QTMAN: variants seen among roughly 807,000 people sequenced by gnomAD.
QTMAN encodes the protein queuosine-tRNA mannosyltransferase.
chr2:144,306,408 C>G, the QTMAN span, among the ~76,000 whole-genome samples: 2 of 152,120 alleles, frequency 1.3e-5, no homozygotes, highest in African/African-American at 4.8e-5. Context: ...CTGGGATGAT[C>G]GAAATGCCAG....
At chr2:144,223,234 T>C in the QTMAN span, among the ~76,000 whole-genome samples, 1 of 151,962 alleles carries the variant, frequency 6.6e-6, no homozygotes, top group Non-Finnish European at 1.5e-5. Flanking sequence ...ACTAAAAGTA[T>C]ACAAATAATT....
chr2:144,328,768 GA>G, the QTMAN span, among the ~76,000 whole-genome samples: 2 of 150,236 alleles, frequency 1.3e-5, no homozygotes, highest in Admixed American at 1.3e-4. Context: ...TTAGTAGAAA[GA>G]AAAAAAAAGA....
At chr2:144,041,099 T>C in the QTMAN span, among the ~76,000 whole-genome samples, 6 of 152,212 alleles carry the variant, frequency 3.9e-5, no homozygotes, top group Non-Finnish European at 2.9e-5. Flanking sequence ...TCAGACACTT[T>C]CATTGCGCTT....
At chr2:144,251,616 T>C in the QTMAN span, among the ~76,000 whole-genome samples, 7 of 152,184 alleles carry the variant, frequency 4.6e-5, no homozygotes, top group African/African-American at 1.7e-4. Context: ...AACATAAAAC[T>C]ATAAACCTAC....
chr2:143,967,388 T>A, the QTMAN span, among the ~76,000 whole-genome samples: 7 of 151,894 alleles, frequency 4.6e-5, no homozygotes, highest in South Asian at 1.5e-3. Flanking sequence ...TGGAGTGCAA[T>A]GGCATGATCT....
the QTMAN span, chr2:144,178,550 CTTCT>C: frequency 4.0e-3 from 621 of 154,118 alleles, 4 homozygotes; most frequent in African/African-American, 0.013. Context: ...GTGCTCAATA[CTTCT>C]TTCTCTATTT....
the QTMAN span, among the ~76,000 whole-genome samples, chr2:144,028,396 C>T: frequency 6.6e-6 from 1 of 152,156 alleles, no homozygotes; most frequent in African/African-American, 2.4e-5. Context: ...TTTATTTTCA[C>T]AAGACTTAAA....
At chr2:144,311,910 C>T in the QTMAN span, among the ~76,000 whole-genome samples, 1 of 152,232 alleles carries the variant, frequency 6.6e-6, no homozygotes, top group Non-Finnish European at 1.5e-5. Context: ...CAGTACCTTA[C>T]ATATTCTGTT....
At chr2:144,035,279 G>T in the QTMAN span, among the ~76,000 whole-genome samples, 1 of 152,080 alleles carries the variant, frequency 6.6e-6, no homozygotes, top group African/African-American at 2.4e-5. Context: ...CATGCTTCCT[G>T]TACAGTCTAT....
chr2:144,069,297 C>CAA, the QTMAN span, among the ~76,000 whole-genome samples: 15 of 85,488 alleles, frequency 1.8e-4, no homozygotes, highest in East Asian at 4.0e-4. Context: ...GAATCTTTTA[C>CAA]AAAAAAAAAA....
the QTMAN span, among the ~76,000 whole-genome samples, chr2:144,114,233 C>G: frequency 6.6e-6 from 1 of 152,190 alleles, no homozygotes; most frequent in African/African-American, 2.4e-5. Flanking sequence ...GATAACACAA[C>G]AGCTTTTATT....
chr2:144,329,610 A>G, the QTMAN span, among the ~76,000 whole-genome samples: 2 of 152,222 alleles, frequency 1.3e-5, no homozygotes, highest in African/African-American at 2.4e-5. Flanking sequence ...TTCTATTACT[A>G]AAATAATGTT....
At chr2:144,190,085 T>C in the QTMAN span, among the ~76,000 whole-genome samples, 2 of 152,248 alleles carry the variant, frequency 1.3e-5, no homozygotes, top group African/African-American at 4.8e-5. Flanking sequence ...AAAGAAATTT[T>C]ATCTTTTATT....
chr2:143,966,317 C>T, the QTMAN span, among the ~76,000 whole-genome samples: 8 of 152,166 alleles, frequency 5.3e-5, no homozygotes, highest in Non-Finnish European at 7.4e-5. Context: ...GGGCTGAGAA[C>T]GGCATCTAGC....
chr2:144,115,222 C>T, the QTMAN span, among the ~76,000 whole-genome samples: 4 of 148,892 alleles, frequency 2.7e-5, no homozygotes, highest in South Asian at 8.5e-4. Context: ...CAGAGCGAGA[C>T]CCTGTCTAAA....
the QTMAN span, among the ~76,000 whole-genome samples, chr2:144,058,970 C>T: frequency 6.6e-6 from 1 of 152,170 alleles, no homozygotes; most frequent in Non-Finnish European, 1.5e-5. Flanking sequence ...ATGTTATGAA[C>T]TCCATCACAG....
the QTMAN span, among the ~76,000 whole-genome samples, chr2:144,289,991 A>G: frequency 3.9e-5 from 6 of 152,216 alleles, no homozygotes; most frequent in Non-Finnish European, 7.3e-5. Flanking sequence ...CTACTCTTGC[A>G]CCAATCACCA....
chr2:144,038,426 T>C, the QTMAN span, among the ~76,000 whole-genome samples: 8 of 152,318 alleles, frequency 5.3e-5, no homozygotes, highest in Non-Finnish European at 7.4e-5. Context: ...TTTTGAACTG[T>C]TGAAAAACAA....
the QTMAN span, among the ~76,000 whole-genome samples, chr2:144,102,651 T>C: frequency 6.6e-6 from 1 of 152,238 alleles, no homozygotes; most frequent in Non-Finnish European, 1.5e-5. Context: ...TTTTAAGGAC[T>C]GTACAAATTA....
Sources: gnomAD v4.1 joint callset for allele counts (sites outside exome capture counted in the v4.1 genomes callset) on GRCh38, gnomAD v4.1.1 for gene constraint, MANE v1.5 for transcripts, NCBI Gene and HGNC (gene_info 2026-07-23, HGNC 2026-07-21) for gene names.